The following RASAL2 variants were observed in gnomAD, a reference collection of about 807,000 sequenced individuals.
RASAL2 encodes ras GTPase-activating protein nGAP.
In RASAL2, 58 loss-of-function variants were observed where a neutral mutation model predicts 128.9. That is an observed-to-expected ratio of 0.45 (90% CI 0.36 to 0.56). The LOEUF (loss-of-function observed/expected upper bound fraction) is 0.56, where lower values mean the gene tolerates loss of function less well. RASAL2 is among the 20% of genes least tolerant of loss of function. The pLI, the probability that RASAL2 is intolerant of heterozygous loss-of-function variation, is 0.00. For missense variants in RASAL2, 1,360 were observed against 1,601.6 expected (o/e 0.85, Z 2.57); for synonymous variants, 561 against 580.8 (o/e 0.97, Z 0.49).
chr1:178,191,695 T>A (rs1418881355), intron 1 of RASAL2, among the ~76,000 whole-genome samples: 2 of 152,220 alleles, frequency 1.3e-5, no homozygotes, highest in Non-Finnish European at 2.9e-5. Flanking sequence ...CCTATAATCT[T>A]GCTGTATCCC....
At chr1:178,110,343 G>A (rs989627268) in intron 1 of RASAL2, among the ~76,000 whole-genome samples, 1 of 151,794 alleles carries the variant, frequency 6.6e-6, no homozygotes, top group Non-Finnish European at 1.5e-5. Context: ...ATCCTCAGAT[G>A]CTGAAGTTCC....
chr1:178,214,646 C>T (rs949707109), intron 1 of RASAL2, among the ~76,000 whole-genome samples: 3 of 151,618 alleles, frequency 2.0e-5, no homozygotes, highest in Non-Finnish European at 4.4e-5. Flanking sequence ...GCAAGCTCTG[C>T]CTCCTGGGTT....
At chr1:178,245,283 A>G (rs923994101) in intron 1 of RASAL2, among the ~76,000 whole-genome samples, 1 of 152,172 alleles carries the variant, frequency 6.6e-6, no homozygotes, top group Non-Finnish European at 1.5e-5. Context: ...CTGGCATGAG[A>G]TGGTATTTCA....
At chr1:178,364,926 ATAGCTT>A (rs1338515359) in intron 3 of RASAL2, among the ~76,000 whole-genome samples, 1 of 152,186 alleles carries the variant, frequency 6.6e-6, no homozygotes, top group African/African-American at 2.4e-5. Flanking sequence ...TCTTAGAAGA[ATAGCTT>A]TAGTATTTAA....
intron 9 of RASAL2, among the ~76,000 whole-genome samples, chr1:178,446,950 G>A (rs1463592046): frequency 3.9e-5 from 6 of 152,298 alleles, no homozygotes; most frequent in African/African-American, 1.2e-4. Flanking sequence ...AGGTGGGACA[G>A]AACCAGGAAT....
chr1:178,415,105 G>A (rs141469679), intron 4 of RASAL2, among the ~76,000 whole-genome samples: 56 of 151,868 alleles, frequency 3.7e-4, no homozygotes, highest in African/African-American at 1.2e-3. Flanking sequence ...TCTTGTGTTT[G>A]CTTTGGATTT....
intron 3 of RASAL2, among the ~76,000 whole-genome samples, chr1:178,374,090 A>G (rs978959783): frequency 6.6e-6 from 1 of 152,108 alleles, no homozygotes; most frequent in Non-Finnish European, 1.5e-5. Context: ...AAAGTCAGCA[A>G]ATCTTATTTT....
intron 1 of RASAL2, among the ~76,000 whole-genome samples, chr1:178,186,783 A>G (rs1283269708): frequency 1.3e-5 from 2 of 151,912 alleles, no homozygotes; most frequent in Admixed American, 6.6e-5. Flanking sequence ...CAAATTTCAA[A>G]AACATTTCAG....
At chr1:178,286,301 G>A (rs958728583) in intron 2 of RASAL2, among the ~76,000 whole-genome samples, 1 of 152,112 alleles carries the variant, frequency 6.6e-6, no homozygotes, top group Non-Finnish European at 1.5e-5. Context: ...GTGGATGGCC[G>A]TTTTTCCTCA....
chr1:178,134,679 A>G (rs1660254910), intron 1 of RASAL2, among the ~76,000 whole-genome samples: 1 of 152,176 alleles, frequency 6.6e-6, no homozygotes, highest in Non-Finnish European at 1.5e-5. Flanking sequence ...TCCCAGATCA[A>G]TTGCAGACAA....
intron 3 of RASAL2, among the ~76,000 whole-genome samples, chr1:178,322,916 C>A (rs1386256542): frequency 6.6e-6 from 1 of 152,152 alleles, no homozygotes; most frequent in Non-Finnish European, 1.5e-5. Context: ...CCACATAGGA[C>A]TGCTTCAGAT....
At chr1:178,381,451 G>A (rs917718368) in intron 3 of RASAL2, among the ~76,000 whole-genome samples, 3 of 152,096 alleles carry the variant, frequency 2.0e-5, no homozygotes, top group African/African-American at 4.8e-5. Flanking sequence ...AACATCATAG[G>A]CTCCTTTCTT....
At chr1:178,450,009 A>T (rs1353531667) in intron 9 of RASAL2, among the ~76,000 whole-genome samples, 1 of 152,056 alleles carries the variant, frequency 6.6e-6, no homozygotes, top group Non-Finnish European at 1.5e-5. Flanking sequence ...TCTTAGTTTT[A>T]AATTTAGGTA....
At chr1:178,214,955 A>G (rs1663378858) in intron 1 of RASAL2, among the ~76,000 whole-genome samples, 1 of 152,170 alleles carries the variant, frequency 6.6e-6, no homozygotes, top group Non-Finnish European at 1.5e-5. Flanking sequence ...AACTGTTTGC[A>G]TCGTGAATTT....
At chr1:178,237,381 A>C (rs371260003) in intron 1 of RASAL2, among the ~76,000 whole-genome samples, 2 of 152,248 alleles carry the variant, frequency 1.3e-5, no homozygotes, top group South Asian at 2.1e-4. Flanking sequence ...TACATTTGGA[A>C]GCCATCAGCC....
intron 4 of RASAL2, among the ~76,000 whole-genome samples, chr1:178,420,038 C>A (rs1675038874): frequency 6.6e-6 from 1 of 152,140 alleles, no homozygotes; most frequent in Admixed American, 6.5e-5. Flanking sequence ...TGTCAGTTAT[C>A]TTTTAATTCC....
chr1:178,254,495 A>AT (rs1665224397), intron 1 of RASAL2, among the ~76,000 whole-genome samples: 1 of 152,226 alleles, frequency 6.6e-6, no homozygotes, highest in Non-Finnish European at 1.5e-5. Flanking sequence ...GGAAATGGTC[A>AT]TAAAGGCATA....
intron 4 of RASAL2, among the ~76,000 whole-genome samples, chr1:178,416,769 T>C (rs1257194217): frequency 1.3e-5 from 2 of 152,082 alleles, no homozygotes; most frequent in Admixed American, 6.6e-5. Flanking sequence ...TCTTTTTTTT[T>C]CCTCTCAACA....
chr1:178,135,837 A>G (rs1160239703), intron 1 of RASAL2, among the ~76,000 whole-genome samples: 1 of 152,168 alleles, frequency 6.6e-6, no homozygotes, highest in Admixed American at 6.5e-5. Context: ...GGAGGATGCA[A>G]AAGTGGAAAC....
Sources: allele counts gnomAD v4.1 joint callset (sites outside exome capture counted in the v4.1 genomes callset), GRCh38; gene constraint gnomAD v4.1.1; transcripts MANE v1.5; gene names NCBI Gene and HGNC (gene_info 2026-07-23, HGNC 2026-07-21).